TNIP3: variants seen among roughly 807,000 people sequenced by gnomAD.
TNIP3 encodes the protein TNFAIP3 interacting protein 3.
Under a neutral mutation model 54.1 loss-of-function variants are expected in TNIP3, and 34 were observed. The ratio of observed to expected loss-of-function variants is 0.63; its 90% confidence interval spans 0.48 to 0.84. The LOEUF is 0.84. TNIP3 is among the 40% of genes least tolerant of loss of function. TNIP3 has a pLI of 0.00. For synonymous variants in TNIP3, 134 were observed against 136.8 expected, an observed-to-expected ratio of 0.98 and a Z score of 0.14; for missense variants, 366 against 387.6, an observed-to-expected ratio of 0.94 and a Z score of 0.47.
At chr4:121,217,272 G>A (rs996041067), upstream of TNIP3, among the ~76,000 whole-genome samples, 1 of 152,102 alleles carries the variant, frequency 6.6e-6, no homozygotes, top group Non-Finnish European at 1.5e-5. Context: ...ACCAATTGCT[G>A]AGAACCCATC....
chr4:121,163,315 T>G (rs1560659580), intron 1 of TNIP3, among the ~76,000 whole-genome samples: 1 of 152,204 alleles, frequency 6.6e-6, no homozygotes, highest in Non-Finnish European at 1.5e-5. Context: ...TACAAAGGTT[T>G]GGGGGACCTT....
At chr4:121,218,667 C>T (rs997715088), upstream of TNIP3, among the ~76,000 whole-genome samples, 3 of 151,664 alleles carry the variant, frequency 2.0e-5, no homozygotes, top group Non-Finnish European at 4.4e-5. Context: ...GACGATGTCT[C>T]ACTATATTAC....
chr4:121,186,636 T>C (rs1560679193), intron 2 of TNIP3, among the ~76,000 whole-genome samples: 1 of 152,208 alleles, frequency 6.6e-6, no homozygotes, highest in South Asian at 2.1e-4. Context: ...ATGCCATATG[T>C]ACAATGCTTA....
chr4:121,217,099 G>A (rs1726830326), upstream of TNIP3, among the ~76,000 whole-genome samples: 1 of 152,086 alleles, frequency 6.6e-6, no homozygotes, highest in Admixed American at 6.6e-5. Flanking sequence ...ACTTAAGTTT[G>A]GTGCAACTTA....
At chr4:121,180,508 T>C (rs1454136624) in intron 3 of TNIP3, among the ~76,000 whole-genome samples, 5 of 152,162 alleles carry the variant, frequency 3.3e-5, no homozygotes, top group Admixed American at 2.0e-4. Context: ...AAATGCAAAA[T>C]GACCATTGGA....
intron 10 of TNIP3, among the ~76,000 whole-genome samples, chr4:121,133,854 AGATTGCAGT>A (rs1728622560): frequency 6.6e-6 from 1 of 152,104 alleles, no homozygotes; most frequent in Admixed American, 6.6e-5. Flanking sequence ...ACCGAGGCAG[AGATTGCAGT>A]GATGCTGCCA....
chr4:121,207,689 T>C (rs1313238711), intron 2 of TNIP3, among the ~76,000 whole-genome samples: 1 of 152,166 alleles, frequency 6.6e-6, no homozygotes, highest in East Asian at 1.9e-4. Flanking sequence ...GAGAAAACTA[T>C]GACAGTGAAA....
chr4:121,201,972 G>T (rs1362781016), intron 2 of TNIP3, among the ~76,000 whole-genome samples: 1 of 152,110 alleles, frequency 6.6e-6, no homozygotes, highest in Non-Finnish European at 1.5e-5. Flanking sequence ...TTGTGAAAAT[G>T]ACCATACTGC....
upstream of TNIP3, among the ~76,000 whole-genome samples, chr4:121,165,155 G>A (rs906610467): frequency 6.6e-6 from 1 of 151,230 alleles, no homozygotes; most frequent in African/African-American, 2.4e-5. Flanking sequence ...ACCTGCCTAC[G>A]AGATATTCAC....
upstream of TNIP3, chr4:121,216,680 T>G: frequency 4.3e-6 from 6 of 1,383,190 alleles, no homozygotes; most frequent in East Asian, 2.7e-5. Context: ...CAAGCCTGCC[T>G]TCTGCCTAGT....
chr4:121,195,224 T>C (rs1219122473), intron 2 of TNIP3, among the ~76,000 whole-genome samples: 3 of 152,148 alleles, frequency 2.0e-5, no homozygotes, highest in Non-Finnish European at 4.4e-5. Flanking sequence ...AAAACGTCTT[T>C]GAGTAACCCC....
chr4:121,172,013 A>G (rs1396730593), intron 3 of TNIP3, among the ~76,000 whole-genome samples: 2 of 152,180 alleles, frequency 1.3e-5, no homozygotes, highest in African/African-American at 4.8e-5. Flanking sequence ...GATTACAGGC[A>G]TGAGCCACCA....
At chr4:121,201,526 G>A (rs1273109334) in intron 2 of TNIP3, among the ~76,000 whole-genome samples, 1 of 152,106 alleles carries the variant, frequency 6.6e-6, no homozygotes, top group Non-Finnish European at 1.5e-5. Flanking sequence ...TTTGCCTTAG[G>A]CAAACTTAGA....
intron 3 of TNIP3, among the ~76,000 whole-genome samples, chr4:121,177,695 G>A (rs1160457357): frequency 1.3e-5 from 2 of 152,116 alleles, no homozygotes; most frequent in Non-Finnish European, 2.9e-5. Flanking sequence ...ATTGGCTCAC[G>A]CTTGTGTTAA....
intron 4 of TNIP3, among the ~76,000 whole-genome samples, chr4:121,155,564 A>T (rs1183588443): frequency 3.9e-5 from 6 of 152,204 alleles, no homozygotes; most frequent in Non-Finnish European, 8.8e-5. Context: ...ATTTTAGATG[A>T]CAATCTAAAA....
At chr4:121,145,496 C>T (rs1209166849) in intron 7 of TNIP3, among the ~76,000 whole-genome samples, 11 of 151,738 alleles carry the variant, frequency 7.2e-5, no homozygotes, top group South Asian at 2.1e-4. Flanking sequence ...TAGTATACAA[C>T]GTTAAGTAGA....
chr4:121,151,956 G>A lies in TNIP3; in HGVS notation c.493-1737C>T, dbSNP rs534248322. ...TTTGCCCACGGGTGGCACGAGCTGA[G>A]TAGCCTTAGGTAATTGTTTTCACTT... On this transcript the variant is annotated intron_variant, in intron 5 of 10. Transcript: ENST00000057513. Among the ~76,000 whole-genome samples, 3 of 152,300 alleles carry A rather than the reference G, an allele frequency of 2.0e-5. No homozygotes were observed. In the East Asian group the frequency reaches 5.8e-4, roughly 29 times the overall value.
intron 3 of TNIP3, among the ~76,000 whole-genome samples, chr4:121,173,417 G>A (rs551768258): frequency 4.2e-4 from 64 of 152,276 alleles, no homozygotes; most frequent in African/African-American, 1.5e-3. Flanking sequence ...TTTAAAAACT[G>A]TAGTAGTCAG....
At chr4:121,217,772 T>A (rs923147274), upstream of TNIP3, among the ~76,000 whole-genome samples, 1 of 152,184 alleles carries the variant, frequency 6.6e-6, no homozygotes, top group African/African-American at 2.4e-5. Flanking sequence ...ATAAAGAAAT[T>A]TGTAGTAAGG....
Sources: gnomAD v4.1 joint callset for allele counts (sites outside exome capture counted in the v4.1 genomes callset) on GRCh38, gnomAD v4.1.1 for gene constraint, MANE v1.5 for transcripts, NCBI Gene and HGNC (gene_info 2026-07-23, HGNC 2026-07-21) for gene names.